Variants in ITGAE observed in about 807,000 individuals in gnomAD.
ITGAE encodes integrin alpha-E.
In ITGAE, 99 loss-of-function variants were observed where a neutral mutation model predicts 136.5. The observed-to-expected ratio is 0.73, with a 90% CI of 0.62 to 0.86. The LOEUF (loss-of-function observed/expected upper bound fraction) is 0.86, where lower values mean the gene tolerates loss of function less well. Among genes scored for constraint, ITGAE ranks in the 40% least tolerant of loss-of-function variants. ITGAE has a pLI of 0.00. For synonymous variants in ITGAE, 613 were observed against 591.8 expected (o/e 1.04, Z -0.52); for missense variants, 1,447 against 1,515.3 (o/e 0.95, Z 0.75).
At chr17:3,726,778 T>G (rs1732408381) in intron 26 of ITGAE, 1 of 152,500 alleles carries the variant, frequency 6.6e-6, no homozygotes, top group Admixed American at 6.5e-5. Context: ...CAGGCTAGAG[T>G]GCAGTGGTGC....
At chr17:3,789,978 T>TA (rs1367713334) in intron 1 of ITGAE, among the ~76,000 whole-genome samples, 1 of 152,152 alleles carries the variant, frequency 6.6e-6, no homozygotes. Context: ...GTAAAGCTTC[T>TA]AAATGAGAGT....
rs2053177785 is a variant in ITGAE at position 3,798,579 on chromosome 17, C to T, written c.34+2532G>A. ...GCTACAGTCTCCCACTCCCCAAGGACTGAGGTTTTCTATCACGCACAGGCC... is the reference window on the plus strand; with the variant it reads ...GCTACAGTCTCCCACTCCCCAAGGATTGAGGTTTTCTATCACGCACAGGCC... On this transcript the variant is annotated intron_variant, in intron 1 of 30. Transcript: ENST00000263087. The surrounding 1 kb of genome is among the most constrained non-coding windows in gnomAD (Gnocchi z 4.3). Among the ~76,000 whole-genome samples, 1 of 152,220 alleles carries T rather than the reference C, an allele frequency of 6.6e-6. No individual in the cohort carries two copies. Among genetic ancestry groups the T allele is most frequent in the African/African-American group, 2.4e-5 (1 of 41,462 alleles).
intron 9 of ITGAE, among the ~76,000 whole-genome samples, chr17:3,757,424 C>T (rs1047596494): frequency 4.6e-5 from 7 of 152,166 alleles, no homozygotes; most frequent in Non-Finnish European, 8.8e-5. Flanking sequence ...GCCAGCTACT[C>T]CCATTTGTCT....
At position 3,762,599 on chromosome 17, in the gene ITGAE, T is replaced by A. The variant is rs1399771999; in HGVS notation, c.248-617A>T. Among the ~76,000 whole-genome samples, 13 of 143,142 alleles carry A rather than the reference T, an allele frequency of 9.1e-5. No homozygotes were observed. The East Asian group carries it at 2.6e-3, about 29-fold the overall frequency. 93.9% of individuals were successfully genotyped at this position (143,142 alleles called of 152,430 possible). A position where few individuals can be genotyped will look rare whatever the true frequency, so the allele number is the denominator to read the frequency against. On this transcript the variant is annotated intron_variant, in intron 3 of 30. Transcript: ENST00000263087. ...GCCTCTCAGACAAGGATTTTTTTTT[T>A]TTTTTTTTTTTTTTTTGAGACAGAG... is the stretch of plus-strand genomic sequence containing the variant.
chr17:3,774,633 C>T (rs532854714), intron 2 of ITGAE, among the ~76,000 whole-genome samples: 15 of 152,106 alleles, frequency 9.9e-5, no homozygotes, highest in African/African-American at 2.6e-4. Flanking sequence ...GGCGTGGTGG[C>T]GGGCGCCTGT....
chr17:3,723,904 T>C (rs1183850839), intron 26 of ITGAE, 160 bp from the exon 27 acceptor site: 2 of 1,533,194 alleles, frequency 1.3e-6, no homozygotes, highest in Non-Finnish European at 1.8e-6. Context: ...TCTCGCGATG[T>C]TTGCGTTTGA....
intron 26 of ITGAE, chr17:3,725,393 C>T: frequency 6.2e-7 from 1 of 1,614,208 alleles, no homozygotes; most frequent in South Asian, 1.1e-5. Flanking sequence ...AACTGCAACG[C>T]TGTGAGAAGA....
chr17:3,797,607 C>T (rs895399853), intron 1 of ITGAE, among the ~76,000 whole-genome samples: 47 of 152,022 alleles, frequency 3.1e-4, no homozygotes, highest in African/African-American at 8.9e-4. Flanking sequence ...ATTACAGGTG[C>T]GCACCACCAT....
chr17:3,772,246 G>A (rs749535989), intron 2 of ITGAE, among the ~76,000 whole-genome samples: 9 of 152,066 alleles, frequency 5.9e-5, no homozygotes, highest in Non-Finnish European at 1.2e-4. Context: ...TCCCCCAACA[G>A]AGCTGTTATT....
intron 17 of ITGAE, among the ~76,000 whole-genome samples, chr17:3,746,344 G>C (rs1446133450): frequency 6.6e-6 from 1 of 150,560 alleles, no homozygotes; most frequent in African/African-American, 2.4e-5. Context: ...CTCTCTTACT[G>C]TACAGAACAG....
intron 8 of ITGAE, 64 bp from the exon 9 acceptor site, chr17:3,757,923 G>C: frequency 6.4e-7 from 1 of 1,563,128 alleles, no homozygotes; most frequent in Non-Finnish European, 8.8e-7. Context: ...CTCCAGGAGA[G>C]ACTTTATTCT....
chr17:3,797,546 T>C (rs8074716), intron 1 of ITGAE, among the ~76,000 whole-genome samples: 124,427 of 148,682 alleles, frequency 0.84, 52,742 homozygotes, highest in African/African-American at 0.94. Flanking sequence ...CTGCAACCTC[T>C]GCCTCCTGGG....
At position 3,723,720 on chromosome 17, in the gene ITGAE, G is replaced by C; in HGVS notation, c.3109C>G (p.Gln1037Glu). 6.2e-7 allele frequency: 1 copy of C among 1,605,758 alleles called. No individual in the cohort carries two copies. The highest frequency in any genetic ancestry group is 8.5e-7 in the Non-Finnish European group (1 of 1,176,152). ...TQASTVCTWSQERACAYSSVQ... is the reference protein window; with the variant it reads ...TQASTVCTWSEERACAYSSVQ... ...GAACTGTACGCACAAGCGCGCTCCT[G>C]ACTCCAGGTGCACACCGTGGAGGCC... Residue 1037 changes from glutamine to glutamate, a missense_variant, in exon 27 of 31, where the codon CAG becomes GAG. Gln to Glu is a conservative substitution (Grantham distance 29). Around this residue, in one of 3 missense-constraint regions of ITGAE, gnomAD observed 1,031 missense variants for 1,011.4 expected, o/e 1.02. Transcript: ENST00000263087.
intron 13 of ITGAE, 34 bp from the exon 14 acceptor site, chr17:3,753,464 C>T: frequency 6.2e-7 from 1 of 1,606,210 alleles, no homozygotes; most frequent in Non-Finnish European, 8.5e-7. Flanking sequence ...TCACCAGGAG[C>T]CCCGCTCCTG....
At chr17:3,757,685 C>G (rs746529080) in intron 9 of ITGAE, 21 bp downstream of exon 9, 14 of 1,612,158 alleles carry the variant, frequency 8.7e-6, no homozygotes, top group Non-Finnish European at 1.2e-5. Context: ...CAGGAGGTGT[C>G]TCCCGGCTCC....
At chr17:3,716,611 T>C (rs2050948035) in intron 30 of ITGAE, 77 bp downstream of exon 30, 3 of 845,518 alleles carry the variant, frequency 3.5e-6, no homozygotes, top group South Asian at 1.5e-5. Context: ...AAGTCAGAGG[T>C]TGGCTGTCCT....
chr17:3,743,688 T>TTC (rs2051641192), intron 18 of ITGAE, 71 bp from the exon 19 acceptor site: 1 of 1,426,344 alleles, frequency 7.0e-7, no homozygotes, highest in Non-Finnish European at 9.4e-7. Flanking sequence ...TAATGCTTTT[T>TTC]TTCTTTTTCT....
chr17:3,735,064 G>T, intron 20 of ITGAE, 115 bp from the exon 21 acceptor site: 1 of 1,146,600 alleles, frequency 8.7e-7, no homozygotes, highest in Non-Finnish European at 1.3e-6. Flanking sequence ...AATGATCACG[G>T]CTCACCGCAG....
chr17:3,724,097 C>T (rs545902115), intron 26 of ITGAE: 3 of 1,594,566 alleles, frequency 1.9e-6, no homozygotes, highest in Non-Finnish European at 2.5e-6. Context: ...ACGCCAGCAT[C>T]GGCGACCCCT....
Sources: allele counts gnomAD v4.1 joint callset (sites outside exome capture counted in the v4.1 genomes callset), GRCh38; gene constraint gnomAD v4.1.1; regional missense constraint gnomAD v4.1.1; non-coding constraint Gnocchi (gnomAD v3.1); transcripts MANE v1.5; gene names NCBI Gene and HGNC (gene_info 2026-07-23, HGNC 2026-07-21).